Variants in NALF1 observed in about 807,000 individuals in gnomAD.
NALF1 encodes family with sequence similarity 155 member A.
In NALF1, 3 loss-of-function variants were observed where a neutral mutation model predicts 48.4. The observed-to-expected ratio is 0.06, with a 90% CI of 0.03 to 0.16. The LOEUF is 0.16. NALF1 is among the 10% of genes least tolerant of loss of function. The pLI, the probability that NALF1 is intolerant of heterozygous loss-of-function variation, is 1.00. For missense variants in NALF1, 526 were observed against 571.5 expected (o/e 0.92, Z 0.81); for synonymous variants, 262 against 245.7 (o/e 1.07, Z -0.62).
At chr13:107,269,930 T>G (rs912898887) in intron 1 of NALF1, among the ~76,000 whole-genome samples, 12 of 140,442 alleles carry the variant, frequency 8.5e-5, no homozygotes, top group South Asian at 2.4e-4. Context: ...TTTTTTTTTT[T>G]TTTTTTTTTT....
chr13:107,232,169 T>A (rs1469541383), intron 1 of NALF1, among the ~76,000 whole-genome samples: 1 of 152,184 alleles, frequency 6.6e-6, no homozygotes, highest in African/African-American at 2.4e-5. Context: ...ACGTAAGCGC[T>A]CTGAAACAAA....
At chr13:107,662,749 A>G (rs1880762660) in intron 1 of NALF1, among the ~76,000 whole-genome samples, 1 of 152,202 alleles carries the variant, frequency 6.6e-6, no homozygotes, top group Admixed American at 6.5e-5. Flanking sequence ...AACTGTATTT[A>G]TCTACATTTT....
intron 1 of NALF1, among the ~76,000 whole-genome samples, chr13:107,289,975 T>C (rs2138881491): frequency 6.6e-6 from 1 of 152,278 alleles, no homozygotes; most frequent in Non-Finnish European, 1.5e-5. Flanking sequence ...CAAGGAACTT[T>C]CAGGAGAACA....
At chr13:107,568,126 C>T (rs1877869808) in intron 1 of NALF1, among the ~76,000 whole-genome samples, 1 of 152,110 alleles carries the variant, frequency 6.6e-6, no homozygotes, top group Non-Finnish European at 1.5e-5. Flanking sequence ...ATCACGCATG[C>T]ACCACCATGC....
intron 1 of NALF1, among the ~76,000 whole-genome samples, chr13:107,775,274 C>G: frequency 7.0e-6 from 1 of 142,598 alleles, no homozygotes; most frequent in Admixed American, 7.5e-5. Flanking sequence ...TCCCATTGTT[C>G]AATTCCCACC....
intron 1 of NALF1, among the ~76,000 whole-genome samples, chr13:107,726,061 C>T (rs1258017852): frequency 6.6e-6 from 1 of 152,174 alleles, no homozygotes; most frequent in Non-Finnish European, 1.5e-5. Context: ...GGCCTCATCT[C>T]TGTCTCTCTC....
intron 1 of NALF1, among the ~76,000 whole-genome samples, chr13:107,465,287 T>C (rs960394108): frequency 3.4e-5 from 5 of 146,472 alleles, no homozygotes; most frequent in African/African-American, 1.3e-4. Flanking sequence ...ATGTTTTTAA[T>C]ATATACTACG....
At chr13:107,623,777 A>G (rs1257452682) in intron 1 of NALF1, among the ~76,000 whole-genome samples, 1 of 152,212 alleles carries the variant, frequency 6.6e-6, no homozygotes, top group East Asian at 1.9e-4. Flanking sequence ...AAATGGGCAC[A>G]AATAGAAAAC....
At chr13:107,439,987 T>C (rs971620859) in intron 1 of NALF1, among the ~76,000 whole-genome samples, 4 of 152,200 alleles carry the variant, frequency 2.6e-5, no homozygotes, top group African/African-American at 9.6e-5. Context: ...TTTATGTATG[T>C]TTTAATATTT....
At chr13:107,194,654 T>G (rs1308439078) in intron 2 of NALF1, among the ~76,000 whole-genome samples, 1 of 152,148 alleles carries the variant, frequency 6.6e-6, no homozygotes, top group African/African-American at 2.4e-5. Context: ...CTTCTAGACA[T>G]TGGCTTAGGC....
rs938993965 is a variant in NALF1 at position 107,458,420 on chromosome 13, C to G, written c.916-247665G>C. ...AACAGTGTGTGCCAATGCGCAGAGG[C>G]AGGGGCCGCCTGACATGGTAACCAC... is the stretch of plus-strand genomic sequence containing the variant. On this transcript the variant is annotated intron_variant, in intron 1 of 2. Coordinates refer to ENST00000375915, the MANE Select transcript of NALF1 (RefSeq NM_001080396.3). Among the ~76,000 whole-genome samples the G allele has an allele frequency of 5.9e-5, 9 of 152,312 alleles. No homozygotes were observed. In the Middle Eastern group the frequency reaches 0.01, roughly 173 times the overall value.
intron 1 of NALF1, among the ~76,000 whole-genome samples, chr13:107,298,932 T>G (rs2138890398): frequency 6.6e-6 from 1 of 152,010 alleles, no homozygotes; most frequent in Admixed American, 6.5e-5. Flanking sequence ...TCTCCAAATT[T>G]TACCATTTTT....
At chr13:107,804,110 C>T (rs544685675) in intron 1 of NALF1, among the ~76,000 whole-genome samples, 3 of 152,240 alleles carry the variant, frequency 2.0e-5, no homozygotes, top group East Asian at 1.9e-4. Flanking sequence ...GGAACATAAG[C>T]GTCCTTTCTA....
intron 1 of NALF1, among the ~76,000 whole-genome samples, chr13:107,221,964 A>G (rs1236775365): frequency 6.6e-6 from 1 of 152,222 alleles, no homozygotes; most frequent in Non-Finnish European, 1.5e-5. Flanking sequence ...CTCAAAGAAA[A>G]TGCGGCTGTT....
At chr13:107,255,753 G>T (rs1880801798) in intron 1 of NALF1, among the ~76,000 whole-genome samples, 1 of 152,064 alleles carries the variant, frequency 6.6e-6, no homozygotes, top group Non-Finnish European at 1.5e-5. Context: ...GAGGCAACTT[G>T]GGCACTGTTG....
chr13:107,556,431 G>A (rs191843219), intron 1 of NALF1, among the ~76,000 whole-genome samples: 7 of 151,576 alleles, frequency 4.6e-5, no homozygotes, highest in Admixed American at 2.0e-4. Context: ...ATTAAAACTC[G>A]AGAACTTGAG....
At chr13:107,642,949 C>T (rs1880200156) in intron 1 of NALF1, among the ~76,000 whole-genome samples, 1 of 152,160 alleles carries the variant, frequency 6.6e-6, no homozygotes, top group South Asian at 2.1e-4. Flanking sequence ...TTCTGCCTTG[C>T]CCTAATTTCC....
intron 1 of NALF1, among the ~76,000 whole-genome samples, chr13:107,220,151 G>GT (rs1271009558): frequency 2.6e-5 from 4 of 152,158 alleles, no homozygotes. Flanking sequence ...TGCATTCTTT[G>GT]TTTTTCCCAC....
intron 1 of NALF1, among the ~76,000 whole-genome samples, chr13:107,548,724 A>C (rs1340717903): frequency 2.0e-5 from 3 of 152,040 alleles, no homozygotes; most frequent in Admixed American, 6.6e-5. Context: ...AGGTAGCACC[A>C]AGCGTGTTCT....
Sources: gnomAD v4.1 joint callset for allele counts (sites outside exome capture counted in the v4.1 genomes callset) on GRCh38, gnomAD v4.1.1 for gene constraint, MANE v1.5 for transcripts, NCBI Gene and HGNC (gene_info 2026-07-23, HGNC 2026-07-21) for gene names.